Variants in POM121 observed in about 807,000 individuals in gnomAD.
POM121 encodes nuclear envelope pore membrane protein POM 121.
POM121 carries 32 observed loss-of-function variants against 81.3 expected under a neutral mutation model. The observed-to-expected ratio is 0.39, with a 90% CI of 0.30 to 0.53. The LOEUF is 0.53. Among genes scored for constraint, POM121 ranks in the 20% least tolerant of loss-of-function variants. The pLI, the probability that POM121 is intolerant of heterozygous loss-of-function variation, is 0.66. For missense variants in POM121, 1,138 were observed against 1,614.6 expected (o/e 0.70, Z 5.06); for synonymous variants, 514 against 694.2 (o/e 0.74, Z 4.08).
chr7:72,946,405 A>C lies in POM121; in HGVS notation c.*171A>C, dbSNP rs1797696157. ...CTGGGGCCCTTTCCCTTCTGGAGGAAGCACAAGCCTCAGGGAAGGGGAAGC... is the reference window on the plus strand; with the variant it reads ...CTGGGGCCCTTTCCCTTCTGGAGGACGCACAAGCCTCAGGGAAGGGGAAGC... On this transcript the variant is annotated 3_prime_UTR_variant, in exon 13 of 13. Coordinates refer to ENST00000434423, the MANE Select transcript of POM121 (RefSeq NM_001387691.1). 7.0e-7 allele frequency: 1 copy of C among 1,428,740 alleles called. No homozygotes were observed. The highest frequency in any genetic ancestry group is 9.2e-7 in the Non-Finnish European group (1 of 1,087,160). 88.5% of individuals were successfully genotyped at this position (1,428,740 alleles called of 1,614,324 possible).
intron 5 of POM121, among the ~76,000 whole-genome samples, chr7:72,934,364 C>T (rs1442883350): frequency 2.6e-5 from 4 of 152,172 alleles, no homozygotes; most frequent in Non-Finnish European, 5.9e-5. Context: ...GGATTACAGG[C>T]GTGAGCCACC....
chr7:72,927,899 T>C (rs1795622991), intron 3 of POM121, among the ~76,000 whole-genome samples: 1 of 152,108 alleles, frequency 6.6e-6, no homozygotes, highest in East Asian at 1.9e-4. Flanking sequence ...CTCATGGGAC[T>C]CTTGAGGGAA....
intron 3 of POM121, among the ~76,000 whole-genome samples, chr7:72,897,509 A>G (rs1792086196): frequency 6.6e-6 from 1 of 152,222 alleles, no homozygotes; most frequent in Non-Finnish European, 1.5e-5. Flanking sequence ...TACTCTGAAT[A>G]AAATGGGAAT....
At chr7:72,920,161 A>T (rs1350151346), upstream of POM121, among the ~76,000 whole-genome samples, 1 of 152,152 alleles carries the variant, frequency 6.6e-6, no homozygotes, top group African/African-American at 2.4e-5. Flanking sequence ...GGATATAGTT[A>T]AAATTAATGT....
At chr7:72,908,502 T>A (rs1229242946) in intron 3 of POM121, among the ~76,000 whole-genome samples, 26 of 152,216 alleles carry the variant, frequency 1.7e-4, no homozygotes, top group Admixed American at 7.9e-4. Context: ...GGGCATGCAT[T>A]GTCATTGATA....
rs1292795498 is a variant in POM121 at position 72,947,960 on chromosome 7, T to C, written c.*1726T>C. 2.1e-5 allele frequency: 22 copies of C among 1,055,116 alleles called. No individual in the cohort carries two copies. Among genetic ancestry groups the C allele is most frequent in the Non-Finnish European group, 2.2e-5 (19 of 871,514 alleles). 65.4% of individuals were successfully genotyped at this position (1,055,116 alleles called of 1,614,324 possible). ...GCTGCGTGTGCAGCTGAGGAGGGAG[T>C]GAACCTCAAGCCTAAATACCTGTTA... On this transcript the variant is annotated 3_prime_UTR_variant, in exon 13 of 13. Transcript: ENST00000434423.
chr7:72,926,364 C>T lies in POM121; in HGVS notation c.747C>T (p.Cys249=). 6.2e-7 allele frequency: 1 copy of T among 1,613,872 alleles called. No homozygotes were observed. Among genetic ancestry groups the T allele is most frequent in the South Asian group, 1.1e-5 (1 of 91,042 alleles). Residue 249 remains cysteine (C), a synonymous_variant, in exon 2 of 13, where the codon TGC becomes TGT. Transcript: ENST00000434423. The part of the protein sequence containing the change: ...YSCLGVLPTV[C]WNGYHKKAVL... ...GTCTGGGGGTACTTCCCACCGTGTG[C>T]TGGAATGGTTATCACAAGAAGGCTG...
chr7:72,883,496 A>G (rs2129574378), intron 1 of POM121, among the ~76,000 whole-genome samples: 1 of 151,502 alleles, frequency 6.6e-6, no homozygotes, highest in Non-Finnish European at 1.5e-5. Flanking sequence ...AACCCATAAT[A>G]CTCTCTTTCT....
chr7:72,910,318 C>T (rs1793679647), intron 3 of POM121, among the ~76,000 whole-genome samples: 1 of 152,166 alleles, frequency 6.6e-6, no homozygotes, highest in Non-Finnish European at 1.5e-5. Context: ...TATATATCAA[C>T]TGTTCTTGGA....
chr7:72,948,837 T>A (rs782563939), downstream of POM121: 13 of 1,551,880 alleles, frequency 8.4e-6, no homozygotes, highest in Middle Eastern at 1.7e-4. Flanking sequence ...CAATGCTGGG[T>A]AAGAGAGCAG....
At chr7:72,889,241 G>A (rs1244282317) in intron 1 of POM121, among the ~76,000 whole-genome samples, 2 of 152,208 alleles carry the variant, frequency 1.3e-5, no homozygotes, top group Non-Finnish European at 2.9e-5. Flanking sequence ...GATAAGCTTG[G>A]ATGTTCTGCT....
intron 1 of POM121, among the ~76,000 whole-genome samples, chr7:72,885,829 A>G (rs1433822364): frequency 1.3e-5 from 2 of 150,240 alleles, no homozygotes; most frequent in African/African-American, 5.0e-5. Flanking sequence ...TTTTAGTCTC[A>G]TCTTCTTTGT....
At chr7:72,949,763 A>G (rs1275391383), downstream of POM121, 22 of 891,322 alleles carry the variant, frequency 2.5e-5, no homozygotes, top group Admixed American at 8.7e-5. Context: ...GAGTTAAGCG[A>G]AAGTCATCCT....
intron 3 of POM121, among the ~76,000 whole-genome samples, chr7:72,908,742 G>T (rs543513519): frequency 4.6e-5 from 7 of 152,216 alleles, no homozygotes; most frequent in African/African-American, 1.7e-4. Flanking sequence ...AGAATTCAGC[G>T]TTATTTCTCC....
intron 2 of POM121, 146 bp from the exon 3 acceptor site, chr7:72,926,656 G>C (rs1422202247): frequency 2.7e-6 from 4 of 1,467,894 alleles, no homozygotes; most frequent in Non-Finnish European, 3.7e-6. Flanking sequence ...CGAAAAAGTA[G>C]CTTTACTTGC....
downstream of POM121, chr7:72,949,915 A>T: frequency 6.2e-7 from 1 of 1,612,226 alleles, no homozygotes; most frequent in Non-Finnish European, 8.5e-7. Flanking sequence ...CATCCATGAC[A>T]TGGGAGCCTG....
chr7:72,894,626 G>GGA lies in POM121; in HGVS notation c.-216+3571_-216+3572dup, dbSNP rs71071923. 1.6e-3 allele frequency among the ~76,000 whole-genome samples: 37 copies of GGA among 23,338 alleles called. 6 individuals carry two copies. Among genetic ancestry groups the GGA allele is most frequent in the Non-Finnish European group, 2.4e-3 (23 of 9,764 alleles). 15.3% of individuals were successfully genotyped at this position (23,338 alleles called of 152,430 possible). The stretch of plus-strand genomic sequence containing the variant: ...GAGAGAGAGAGAGATGAGAGAGAGA[G>GGA]GAGAGAGAGAGAGAGAGAGAGAGAG... On this transcript the variant is annotated intron_variant, in intron 3 of 15. Coordinates refer to the POM121 transcript ENST00000395270.
intron 4 of POM121, 75 bp from the exon 5 acceptor site, chr7:72,929,865 A>G: frequency 6.8e-7 from 1 of 1,461,424 alleles, no homozygotes; most frequent in East Asian, 2.3e-5. Context: ...ATTAAGAAAG[A>G]TGTCATGACC....
chr7:72,904,495 G>A (rs183578279), intron 3 of POM121, among the ~76,000 whole-genome samples: 4 of 152,268 alleles, frequency 2.6e-5, no homozygotes, highest in African/African-American at 7.2e-5. Flanking sequence ...GGCAGCCCTC[G>A]GGCAGCTGAG....
Sources: gnomAD v4.1 joint callset for allele counts (sites outside exome capture counted in the v4.1 genomes callset) on GRCh38, gnomAD v4.1.1 for gene constraint, MANE v1.5 for transcripts, NCBI Gene and HGNC (gene_info 2026-07-23, HGNC 2026-07-21) for gene names.